Variants in GDI2 observed in about 807,000 individuals in gnomAD.
GDI2 encodes the protein rab GDP dissociation inhibitor beta.
GDI2 carries 22 observed loss-of-function variants against 54.2 expected under a neutral mutation model. The observed-to-expected ratio is 0.41, with a 90% CI of 0.29 to 0.58. The LOEUF is 0.58. GDI2 is among the 20% of genes least tolerant of loss of function. The pLI, the probability that GDI2 is intolerant of heterozygous loss-of-function variation, is 0.35. For synonymous variants in GDI2, 177 were observed against 182.1 expected, an observed-to-expected ratio of 0.97 and a Z score of 0.23; for missense variants, 422 against 546.0, an observed-to-expected ratio of 0.77 and a Z score of 2.26.
rs1407979681 is a variant in GDI2, at chr10:5,806,250, A to C, written c.46-5545T>G. The stretch of plus-strand genomic sequence containing the variant: ...GATTTAATTTGCATTTCCTGAGGAC[A>C]AATAAGGTTGAACACTTTTTAAATA... On this transcript the variant is annotated intron_variant, in intron 1 of 10. Coordinates refer to ENST00000380191, the MANE Select transcript of GDI2 (RefSeq NM_001494.4). 2.6e-5 allele frequency among the ~76,000 whole-genome samples: 4 copies of C among 152,284 alleles called. No homozygotes were observed. In the East Asian group the frequency reaches 7.7e-4, roughly 29 times the overall value.
At chr10:5,803,511 T>G (rs1841312798) in intron 1 of GDI2, among the ~76,000 whole-genome samples, 3 of 152,250 alleles carry the variant, frequency 2.0e-5, no homozygotes, top group African/African-American at 7.2e-5. Flanking sequence ...ATTTATTTAT[T>G]CCTCCATTTC....
intron 4 of GDI2, among the ~76,000 whole-genome samples, chr10:5,789,845 C>A (rs950046068): frequency 6.6e-6 from 1 of 152,194 alleles, no homozygotes; most frequent in Non-Finnish European, 1.5e-5. Context: ...AACTGCAGTA[C>A]ATACTGTACT....
intron 2 of GDI2, among the ~76,000 whole-genome samples, chr10:5,797,395 A>C (rs1431822219): frequency 6.6e-6 from 1 of 152,012 alleles, no homozygotes; most frequent in Non-Finnish European, 1.5e-5. Flanking sequence ...AAATACAAAA[A>C]TTAGCCAGGT....
At chr10:5,798,778 G>C (rs751665393) in intron 2 of GDI2, among the ~76,000 whole-genome samples, 95 of 152,104 alleles carry the variant, frequency 6.2e-4, no homozygotes, top group Admixed American at 1.0e-3. Context: ...TTCGAGACCA[G>C]CATGGCCAAC....
intron 5 of GDI2, 147 bp from the exon 6 acceptor site, chr10:5,785,420 A>G (rs573052454): frequency 8.2e-6 from 5 of 610,814 alleles, no homozygotes; most frequent in South Asian, 6.3e-5. Flanking sequence ...TGTCGCCCAG[A>G]CTGGAGTGCA....
At chr10:5,807,785 C>T (rs1841405595) in intron 1 of GDI2, among the ~76,000 whole-genome samples, 1 of 152,158 alleles carries the variant, frequency 6.6e-6, no homozygotes, top group Non-Finnish European at 1.5e-5. Flanking sequence ...ACACATACCA[C>T]CAGAGTTGCA....
At position 5,808,326 on chromosome 10, in the gene GDI2, A is replaced by AAAAC. The variant is rs768963526; in HGVS notation, c.45+4884_45+4887dup. Among the ~76,000 whole-genome samples, 16 of 152,150 alleles carry AAAAC rather than the reference A, an allele frequency of 1.1e-4. No individual in the cohort carries two copies. In the East Asian group the frequency reaches 2.9e-3, roughly 28 times the overall value. ...GGTAAGAGACCGAGACCCTGTCTCA[A>AAAAC]AAACAAACAAACAAAAAATCCTCTA... On this transcript the variant is annotated intron_variant, in intron 1 of 10. Transcript: ENST00000380191.
At chr10:5,773,817 T>C in intron 7 of GDI2, 25 bp downstream of exon 7, 2 of 980,050 alleles carry the variant, frequency 2.0e-6, no homozygotes, top group Non-Finnish European at 3.2e-6. Context: ...ACATAGTAAT[T>C]TTTTTCATTT....
At chr10:5,810,908 C>T (rs1841469234) in intron 1 of GDI2, among the ~76,000 whole-genome samples, 1 of 152,180 alleles carries the variant, frequency 6.6e-6, no homozygotes. Context: ...ACAATGGCAG[C>T]ACTAAGCAAC....
chr10:5,799,755 G>C (rs1326117571), intron 2 of GDI2, among the ~76,000 whole-genome samples: 2 of 152,208 alleles, frequency 1.3e-5, no homozygotes. Flanking sequence ...TTCTGGATAT[G>C]ATATAATGGT....
intron 1 of GDI2, chr10:5,811,796 A>G: frequency 2.5e-6 from 1 of 394,348 alleles, no homozygotes; most frequent in East Asian, 9.2e-5. Flanking sequence ...TTCAGAATGA[A>G]TATTCTCTAA....
At chr10:5,773,546 C>A (rs568572344) in intron 7 of GDI2, among the ~76,000 whole-genome samples, 2 of 152,230 alleles carry the variant, frequency 1.3e-5, no homozygotes, top group Admixed American at 1.3e-4. Context: ...AAGTACAGTT[C>A]AATTTCAATG....
In GDI2 at chr10:5,770,838, C is replaced by G. The variant is rs912112559; in HGVS notation, c.820-2454G>C. Among the ~76,000 whole-genome samples, 6 of 150,758 alleles carry G rather than the reference C, an allele frequency of 4.0e-5. No homozygotes were observed. The Admixed American group carries it at 4.0e-4, about 10-fold the overall frequency. Reference sequence around the variant, plus strand: ...AAAATTAGCTGGGTGTGGTGGTGGGCACCTGTAATCCCAGCTACTCAGGAG... The same window carrying G: ...AAAATTAGCTGGGTGTGGTGGTGGGGACCTGTAATCCCAGCTACTCAGGAG... On this transcript the variant is annotated intron_variant, in intron 7 of 10. Coordinates refer to ENST00000380191, the MANE Select transcript of GDI2 (RefSeq NM_001494.4).
At chr10:5,787,250 A>G (rs1840900153) in intron 4 of GDI2, among the ~76,000 whole-genome samples, 1 of 152,258 alleles carries the variant, frequency 6.6e-6, no homozygotes, top group South Asian at 2.1e-4. Flanking sequence ...CACGCCTATA[A>G]TCCCAGCACT....
chr10:5,796,884 G>C, intron 2 of GDI2, 22 bp from the exon 3 acceptor site: 1 of 1,147,620 alleles, frequency 8.7e-7, no homozygotes, highest in South Asian at 1.3e-5. Context: ...GAAAAACATA[G>C]CCATAATGTT....
At position 5,774,835 on chromosome 10, in the gene GDI2, GC is replaced by G. The variant is rs1840582124; in HGVS notation, c.720-895del. The stretch of plus-strand genomic sequence containing the variant: ...TGTTCTAAAATGGCCTTGTGCAGTC[GC>G]GGGACTATCCACATCAGAGGCAAAT... On this transcript the variant is annotated intron_variant, in intron 6 of 10. Transcript: ENST00000380191. The surrounding 1 kb of genome is among the most constrained non-coding windows in gnomAD (Gnocchi z 4.8). Among the ~76,000 whole-genome samples, 1 of 152,100 alleles carries G rather than the reference GC, an allele frequency of 6.6e-6. No homozygotes were observed. Among genetic ancestry groups the G allele is most frequent in the Non-Finnish European group, 1.5e-5 (1 of 68,034 alleles).
chr10:5,772,439 T>C (rs540886881), intron 7 of GDI2, among the ~76,000 whole-genome samples: 1 of 152,274 alleles, frequency 6.6e-6, no homozygotes, highest in South Asian at 2.1e-4. Context: ...GCCTAAAATA[T>C]ATGTTCAAAA....
chr10:5,778,245 G>A (rs1048988632), intron 6 of GDI2, among the ~76,000 whole-genome samples: 2 of 152,022 alleles, frequency 1.3e-5, no homozygotes, highest in African/African-American at 2.4e-5. Flanking sequence ...AAACCTGCAC[G>A]TTCTGCACAT....
chr10:5,770,140 T>A (rs1429192086), intron 7 of GDI2, among the ~76,000 whole-genome samples: 1 of 152,232 alleles, frequency 6.6e-6, no homozygotes, highest in Non-Finnish European at 1.5e-5. Flanking sequence ...AGGCAAATAC[T>A]ATATTATTCC....
Sources: gnomAD v4.1 joint callset for allele counts (sites outside exome capture counted in the v4.1 genomes callset) on GRCh38, gnomAD v4.1.1 for gene constraint, Gnocchi (gnomAD v3.1) non-coding constraint, MANE v1.5 for transcripts, NCBI Gene and HGNC (gene_info 2026-07-23, HGNC 2026-07-21) for gene names.